The following CMTM8 variants were observed in gnomAD, a reference collection of about 807,000 sequenced individuals.
CMTM8 encodes CKLF-like MARVEL transmembrane domain-containing protein 8.
A neutral mutation model predicts 18.6 loss-of-function variants in CMTM8; 12 were observed. That is an observed-to-expected ratio of 0.65 (90% CI 0.41 to 1.05). The LOEUF (loss-of-function observed/expected upper bound fraction) is 1.05, where lower values mean the gene tolerates loss of function less well. CMTM8 is among the 50% of genes least tolerant of loss of function. The pLI is 0.00. For synonymous variants in CMTM8, 87 were observed against 90.6 expected, an observed-to-expected ratio of 0.96 and a Z score of 0.23; for missense variants, 217 against 227.2, an observed-to-expected ratio of 0.95 and a Z score of 0.29.
At chr3:32,323,493 A>C (rs1696099448) in intron 1 of CMTM8, among the ~76,000 whole-genome samples, 1 of 152,194 alleles carries the variant, frequency 6.6e-6, no homozygotes, top group Non-Finnish European at 1.5e-5. Flanking sequence ...TCTACCTATA[A>C]GGTAACCTTG....
intron 1 of CMTM8, among the ~76,000 whole-genome samples, chr3:32,324,790 C>G (rs896473221): frequency 3.3e-5 from 5 of 152,196 alleles, no homozygotes; most frequent in Admixed American, 6.5e-5. Context: ...GATTTTTACA[C>G]ATATGTGGGA....
chr3:32,249,533 C>T (rs1263975110), intron 1 of CMTM8, among the ~76,000 whole-genome samples: 1 of 151,778 alleles, frequency 6.6e-6, no homozygotes, highest in Non-Finnish European at 1.5e-5. Flanking sequence ...TCTAATTCTT[C>T]ACATCCTCAT....
In CMTM8 at chr3:32,319,074, A is replaced by ATATATATATATTTTTTTT; in HGVS notation, c.148-38298_148-38297insATATATATATTTTTTTTT. ...TGTATATACATATATATATATATATATTTTTTTTTTTTTTTTTTTTTGAGA... is the reference window on the plus strand; with the variant it reads ...TGTATATACATATATATATATATATATATATATATATTTTTTTTTTTTTTTTTTTTTTTTTTTTTGAGA... On this transcript the variant is annotated intron_variant, in intron 1 of 3. Transcript: ENST00000307526. Among the ~76,000 whole-genome samples the ATATATATATATTTTTTTT allele has an allele frequency of 1.2e-3, 37 of 31,532 alleles. 1 individual carries two copies. Among genetic ancestry groups the ATATATATATATTTTTTTT allele is most frequent in the African/African-American group, 2.1e-3 (14 of 6,550 alleles). 20.7% of individuals were successfully genotyped at this position (31,532 alleles called of 152,430 possible).
chr3:32,272,734 C>G (rs11915932), intron 1 of CMTM8, among the ~76,000 whole-genome samples: 31,999 of 152,068 alleles, frequency 0.21, 3,559 homozygotes, highest in East Asian at 0.46. Flanking sequence ...TCTTTTCACC[C>G]TCCACTCATT....
At chr3:32,344,406 A>C (rs1230424295) in intron 1 of CMTM8, among the ~76,000 whole-genome samples, 2 of 152,236 alleles carry the variant, frequency 1.3e-5, no homozygotes, top group Non-Finnish European at 2.9e-5. Flanking sequence ...TATGTCCTAT[A>C]GCAATGTAGC....
intron 1 of CMTM8, among the ~76,000 whole-genome samples, chr3:32,295,413 A>G (rs1331651129): frequency 7.0e-6 from 1 of 143,662 alleles, no homozygotes; most frequent in African/African-American, 2.6e-5. Flanking sequence ...CCAAGATTGC[A>G]ACACTGTGTT....
chr3:32,276,301 C>T (rs1702517807), intron 1 of CMTM8, among the ~76,000 whole-genome samples: 1 of 152,198 alleles, frequency 6.6e-6, no homozygotes, highest in African/African-American at 2.4e-5. Context: ...AAAGACTTCT[C>T]ACCAAACCAG....
chr3:32,353,741 G>T (rs945565370), intron 1 of CMTM8, among the ~76,000 whole-genome samples: 1 of 151,892 alleles, frequency 6.6e-6, no homozygotes, highest in East Asian at 1.9e-4. Context: ...ATAACTGGCG[G>T]ATAGGGAAGG....
At chr3:32,260,668 G>GT (rs33991032) in intron 1 of CMTM8, among the ~76,000 whole-genome samples, 46,485 of 136,188 alleles carry the variant, frequency 0.34, 7,626 homozygotes, top group African/African-American at 0.46. Flanking sequence ...TTTTTTTAAA[G>GT]TTTTTTTTTT....
chr3:32,319,492 T>G (rs1467559897), intron 1 of CMTM8, among the ~76,000 whole-genome samples: 1 of 151,964 alleles, frequency 6.6e-6, no homozygotes, highest in East Asian at 1.9e-4. Flanking sequence ...AAATCTGCCG[T>G]GCTAGGTTAT....
chr3:32,325,742 C>T (rs1230001200), intron 1 of CMTM8, among the ~76,000 whole-genome samples: 3 of 152,150 alleles, frequency 2.0e-5, no homozygotes, highest in Non-Finnish European at 2.9e-5. Flanking sequence ...GTGCTTCTTC[C>T]CTACCTATCT....
At chr3:32,309,300 ATTTTT>A (rs4038996) in intron 1 of CMTM8, among the ~76,000 whole-genome samples, 3 of 96,436 alleles carry the variant, frequency 3.1e-5, no homozygotes, top group East Asian at 3.1e-4. Context: ...CAATTTACCA[ATTTTT>A]TTTTTTTTTT....
rs75348387 is a variant in CMTM8, at chr3:32,326,122, C to T, written c.148-31251C>T. ...GGGCCCTCCCCACTATACCACTCAT[C>T]TGCTGGCCTTCTAGGCAACATTGCA... On this transcript the variant is annotated intron_variant, in intron 1 of 3. Transcript: ENST00000307526. Among the ~76,000 whole-genome samples the T allele has an allele frequency of 9.2e-3, 1,395 of 152,348 alleles. 24 individuals carry two copies. The highest frequency in any genetic ancestry group is 0.032 in the African/African-American group (1,345 of 41,570).
intron 1 of CMTM8, among the ~76,000 whole-genome samples, chr3:32,351,505 C>T (rs980229725): frequency 6.6e-5 from 10 of 151,970 alleles, no homozygotes; most frequent in African/African-American, 2.4e-4. Context: ...CCCAGGAGTT[C>T]GAGACCAGCC....
At chr3:32,257,400 G>A (rs1340384373) in intron 1 of CMTM8, among the ~76,000 whole-genome samples, 1 of 152,138 alleles carries the variant, frequency 6.6e-6, no homozygotes, top group Non-Finnish European at 1.5e-5. Context: ...TCCACTAAAG[G>A]AATCTTTATT....
At chr3:32,309,559 C>T (rs976358139) in intron 1 of CMTM8, among the ~76,000 whole-genome samples, 1 of 152,044 alleles carries the variant, frequency 6.6e-6, no homozygotes, top group Non-Finnish European at 1.5e-5. Context: ...GCACCTGCCT[C>T]GGCTTCCCAA....
intron 1 of CMTM8, among the ~76,000 whole-genome samples, chr3:32,253,710 T>A (rs992049425): frequency 9.2e-5 from 14 of 151,974 alleles, no homozygotes; most frequent in Non-Finnish European, 1.8e-4. Context: ...TTCTCCAATT[T>A]CTTTTTCAAG....
chr3:32,319,172 G>A (rs1221810801), intron 1 of CMTM8, among the ~76,000 whole-genome samples: 16 of 143,502 alleles, frequency 1.1e-4, no homozygotes, highest in African/African-American at 4.2e-4. Flanking sequence ...TCTGCCTCTC[G>A]GGTTCAAGGG....
chr3:32,245,479 C>A (rs895803193), intron 1 of CMTM8, among the ~76,000 whole-genome samples: 4 of 152,202 alleles, frequency 2.6e-5, no homozygotes, highest in Non-Finnish European at 5.9e-5. Context: ...CAGTACTTGA[C>A]CTGTGAATTG....
Sources: allele counts gnomAD v4.1 joint callset (sites outside exome capture counted in the v4.1 genomes callset), GRCh38; gene constraint gnomAD v4.1.1; transcripts MANE v1.5; gene names NCBI Gene and HGNC (gene_info 2026-07-23, HGNC 2026-07-21).